The following CEP112 variants were observed in gnomAD, a reference collection of about 807,000 sequenced individuals.
CEP112 encodes centrosomal protein 112, also known as centrosomal protein of 112 kDa.
A neutral mutation model predicts 153.0 loss-of-function variants in CEP112; 127 were observed. That is an observed-to-expected ratio of 0.83 (90% CI 0.72 to 0.96). The LOEUF (loss-of-function observed/expected upper bound fraction) is 0.96, where lower values mean the gene tolerates loss of function less well. CEP112 is among the 40% of genes least tolerant of loss of function. The pLI, the probability that CEP112 is intolerant of heterozygous loss-of-function variation, is 0.00. For missense variants in CEP112, 1,089 were observed against 1,101.2 expected (o/e 0.99, Z 0.16); for synonymous variants, 358 against 374.4 (o/e 0.96, Z 0.51).
chr17:65,753,528 A>G (rs978062743), intron 21 of CEP112, among the ~76,000 whole-genome samples: 7 of 152,160 alleles, frequency 4.6e-5, no homozygotes, highest in African/African-American at 1.7e-4. Flanking sequence ...TAGAGAGGGC[A>G]TGTGACTATT....
chr17:66,109,963 A>G (rs980771155), intron 6 of CEP112, among the ~76,000 whole-genome samples: 2 of 152,208 alleles, frequency 1.3e-5, no homozygotes, highest in African/African-American at 4.8e-5. Context: ...GATCGTGACC[A>G]TCCTGGCTAA....
chr17:65,760,878 G>T (rs1428897980), intron 21 of CEP112, among the ~76,000 whole-genome samples: 2 of 151,968 alleles, frequency 1.3e-5, no homozygotes, highest in Admixed American at 6.6e-5. Flanking sequence ...TGTAGGCCTG[G>T]TGTATTCTGT....
At chr17:66,025,968 C>CACACA (rs2065189963) in intron 16 of CEP112, among the ~76,000 whole-genome samples, 1 of 130,566 alleles carries the variant, frequency 7.7e-6, no homozygotes. Context: ...TATATATAGA[C>CACACA]CACACACACA....
At chr17:66,187,393 A>G (rs1381393161) in intron 1 of CEP112, among the ~76,000 whole-genome samples, 1 of 152,192 alleles carries the variant, frequency 6.6e-6, no homozygotes, top group Non-Finnish European at 1.5e-5. Context: ...CCATCATGGT[A>G]GCAAAAATCT....
chr17:66,158,789 G>T (rs1053065129), intron 4 of CEP112, among the ~76,000 whole-genome samples: 2 of 152,026 alleles, frequency 1.3e-5, no homozygotes, highest in African/African-American at 4.8e-5. Context: ...ACAATTAAAA[G>T]AACTAGAGAA....
At chr17:65,826,227 C>A (rs770472687) in intron 21 of CEP112, 1 of 1,614,042 alleles carries the variant, frequency 6.2e-7, no homozygotes, top group Non-Finnish European at 8.5e-7. Context: ...CCATTCTCTT[C>A]TCTCATCTCT....
chr17:65,806,864 T>A (rs1465607767), intron 21 of CEP112, among the ~76,000 whole-genome samples: 1 of 152,222 alleles, frequency 6.6e-6, no homozygotes, highest in Non-Finnish European at 1.5e-5. Flanking sequence ...GAAAATGGAC[T>A]AATACAGAAA....
At chr17:65,660,524 T>C (rs2046337009) in intron 24 of CEP112, among the ~76,000 whole-genome samples, 1 of 140,608 alleles carries the variant, frequency 7.1e-6, no homozygotes, top group African/African-American at 2.8e-5. Context: ...CCTTCTTCCC[T>C]TCTTCCTTTC....
chr17:66,101,121 A>AT (rs1311941373), intron 6 of CEP112, among the ~76,000 whole-genome samples: 1 of 152,108 alleles, frequency 6.6e-6, no homozygotes, highest in African/African-American at 2.4e-5. Context: ...CTTTACGAAT[A>AT]TTTTTTAAAA....
chr17:65,966,116 A>T (rs1440019827), intron 17 of CEP112, among the ~76,000 whole-genome samples: 1 of 152,168 alleles, frequency 6.6e-6, no homozygotes, highest in Non-Finnish European at 1.5e-5. Flanking sequence ...GGCCTCCATG[A>T]AGATAAAAAG....
At chr17:65,816,406 C>T (rs1307961649) in intron 21 of CEP112, among the ~76,000 whole-genome samples, 3 of 151,882 alleles carry the variant, frequency 2.0e-5, no homozygotes, top group Admixed American at 6.6e-5. Context: ...GTATACACTG[C>T]ACCCAATTTG....
intron 23 of CEP112, among the ~76,000 whole-genome samples, chr17:65,719,242 T>C (rs987370934): frequency 6.6e-6 from 1 of 152,148 alleles, no homozygotes; most frequent in African/African-American, 2.4e-5. Context: ...CTGGCTCTAC[T>C]ACAGCAGGAG....
chr17:66,051,913 AAATGCATTT>A (rs1445488548), intron 12 of CEP112, among the ~76,000 whole-genome samples: 1 of 152,208 alleles, frequency 6.6e-6, no homozygotes, highest in African/African-American at 2.4e-5. Flanking sequence ...ATTAATTCAA[AAATGCATTT>A]AATACACCTA....
intron 21 of CEP112, among the ~76,000 whole-genome samples, chr17:65,781,526 A>G (rs889651606): frequency 2.6e-5 from 4 of 152,176 alleles, no homozygotes; most frequent in African/African-American, 9.7e-5. Flanking sequence ...TGGAACAAAA[A>G]AAAAAGCCCA....
At chr17:65,955,434 A>G (rs1243375005) in intron 18 of CEP112, among the ~76,000 whole-genome samples, 3 of 152,164 alleles carry the variant, frequency 2.0e-5, no homozygotes, top group Non-Finnish European at 4.4e-5. Context: ...TAACAATAAC[A>G]TAATTAAAAA....
intron 21 of CEP112, among the ~76,000 whole-genome samples, chr17:65,751,359 C>A (rs1317644004): frequency 3.3e-5 from 5 of 152,162 alleles, no homozygotes; most frequent in African/African-American, 7.2e-5. Flanking sequence ...AGTTCCAATT[C>A]TTTTTATGTG....
intron 22 of CEP112, 134 bp from the exon 23 acceptor site, chr17:65,743,351 TCA>T (rs2051244996): frequency 1.5e-6 from 1 of 650,272 alleles, no homozygotes; most frequent in South Asian, 2.3e-5. Flanking sequence ...AATTAACATA[TCA>T]CACACTATAA....
intron 12 of CEP112, among the ~76,000 whole-genome samples, chr17:66,032,291 G>A (rs2065520636): frequency 6.6e-6 from 1 of 151,308 alleles, no homozygotes; most frequent in Admixed American, 6.6e-5. Flanking sequence ...ATGAGCCACT[G>A]CACCTGGCCA....
chr17:66,171,132 T>C (rs990917020), intron 4 of CEP112, among the ~76,000 whole-genome samples: 7 of 152,168 alleles, frequency 4.6e-5, no homozygotes, highest in Non-Finnish European at 8.8e-5. Context: ...AAAGGTGCCA[T>C]CTCTACTGAA....
Sources: gnomAD v4.1 joint callset for allele counts (sites outside exome capture counted in the v4.1 genomes callset) on GRCh38, gnomAD v4.1.1 for gene constraint, MANE v1.5 for transcripts, NCBI Gene and HGNC (gene_info 2026-07-23, HGNC 2026-07-21) for gene names.